AFTPH: variants seen among roughly 807,000 people sequenced by gnomAD.
AFTPH encodes the protein aftiphilin, also known as aftiphilin protein.
AFTPH carries 7 observed loss-of-function variants against 72.5 expected under a neutral mutation model. That is an observed-to-expected ratio of 0.10 (90% CI 0.05 to 0.18). The LOEUF is 0.18. Among genes scored for constraint, AFTPH ranks in the 10% least tolerant of loss-of-function variants. The pLI, the probability that AFTPH is intolerant of heterozygous loss-of-function variation, is 1.00. For synonymous variants in AFTPH, 337 were observed against 370.1 expected (o/e 0.91, Z 1.03); for missense variants, 979 against 1,060.5 (o/e 0.92, Z 1.07).
intron 8 of AFTPH, among the ~76,000 whole-genome samples, chr2:64,589,949 G>T (rs746642441): frequency 2.0e-4 from 5 of 24,938 alleles, no homozygotes; most frequent in South Asian, 9.3e-4. Context: ...ATATATGGGG[G>T]GGGGGGGGGG....
In AFTPH at chr2:64,581,131, C is replaced by G. The variant is rs113076013; in HGVS notation, c.2455+1585C>G. 102 of 1,276,386 alleles carry G rather than the reference C, an allele frequency of 8.0e-5. No individual in the cohort carries two copies. The African/African-American group carries it at 1.2e-3, about 15-fold the overall frequency. 79.1% of individuals were successfully genotyped at this position (1,276,386 alleles called of 1,614,324 possible). Reference sequence around the variant, plus strand: ...TCTTACCCCTTTTTACACATAACCCCTCCTCCCTTGGCTTACCTTCTGTGT... The same window carrying G: ...TCTTACCCCTTTTTACACATAACCCGTCCTCCCTTGGCTTACCTTCTGTGT... On this transcript the variant is annotated intron_variant, in intron 7 of 8. Coordinates refer to ENST00000238856, the Ensembl canonical transcript of AFTPH.
exon 2 of AFTPH, chr2:64,551,516 A>G: frequency 6.2e-7 from 1 of 1,613,906 alleles, no homozygotes; most frequent in Non-Finnish European, 8.5e-7. Context: ...CATCCCCACC[A>G]CCATTAGACA....
intron 6 of AFTPH, chr2:64,578,905 C>T (rs1444922534): frequency 6.6e-6 from 1 of 152,204 alleles, no homozygotes; most frequent in African/African-American, 2.4e-5. Flanking sequence ...CTCGCTTCAG[C>T]AGCACATTAT....
exon 1 of AFTPH, chr2:64,524,386 AGGCGGC>A (rs914103794): frequency 2.5e-6 from 1 of 403,580 alleles, no homozygotes; most frequent in Non-Finnish European, 4.4e-6. Flanking sequence ...GAGGTGGAGG[AGGCGGC>A]GGCGGCGGCG....
At chr2:64,574,704 C>T (rs148688550) in intron 6 of AFTPH, among the ~76,000 whole-genome samples, 323 of 152,240 alleles carry the variant, frequency 2.1e-3, no homozygotes, top group Admixed American at 3.7e-3. Flanking sequence ...GGCCAGAGGA[C>T]CTTGATGTTT....
intron 6 of AFTPH, among the ~76,000 whole-genome samples, chr2:64,573,646 A>G (rs1672585011): frequency 1.3e-5 from 2 of 152,126 alleles, no homozygotes; most frequent in Non-Finnish European, 2.9e-5. Context: ...CAATCTATGG[A>G]TTAGGAAAAT....
At chr2:64,568,462 C>T (rs777981310) in intron 3 of AFTPH, among the ~76,000 whole-genome samples, 5 of 152,116 alleles carry the variant, frequency 3.3e-5, no homozygotes, top group Non-Finnish European at 7.3e-5. Flanking sequence ...ACATACATTG[C>T]CTCGGGACTT....
intron 5 of AFTPH, among the ~76,000 whole-genome samples, chr2:64,571,896 TA>T (rs899059392): frequency 1.3e-5 from 2 of 150,990 alleles, no homozygotes; most frequent in Admixed American, 1.3e-4. Context: ...TCTATAGCCA[TA>T]CTGAACATCT....
At chr2:64,554,130 G>T (rs1228789695) in intron 2 of AFTPH, among the ~76,000 whole-genome samples, 1 of 152,128 alleles carries the variant, frequency 6.6e-6, no homozygotes, top group Non-Finnish European at 1.5e-5. Flanking sequence ...AAATGTACTT[G>T]TTAGCTCTTC....
At chr2:64,553,226 T>C in exon 2 of AFTPH, 1 of 1,614,174 alleles carries the variant, frequency 6.2e-7, no homozygotes, top group Non-Finnish European at 8.5e-7. Context: ...ATAGTTGTTC[T>C]TGGGCTGCTT....
chr2:64,579,904 A>T (rs1424423536), intron 7 of AFTPH: 2 of 183,328 alleles, frequency 1.1e-5, no homozygotes, highest in Admixed American at 5.9e-5. Context: ...TTGGATGCAA[A>T]GTCTTGTGAC....
At chr2:64,531,110 T>C (rs1669610577) in intron 1 of AFTPH, among the ~76,000 whole-genome samples, 1 of 151,934 alleles carries the variant, frequency 6.6e-6, no homozygotes, top group Non-Finnish European at 1.5e-5. Flanking sequence ...ACCATGCTTT[T>C]TAATGACTGT....
intron 7 of AFTPH, among the ~76,000 whole-genome samples, chr2:64,584,919 C>G (rs569968977): frequency 6.6e-6 from 1 of 152,180 alleles, no homozygotes; most frequent in East Asian, 1.9e-4. Flanking sequence ...TTAAACTAAC[C>G]AGATCATTTA....
chr2:64,561,126 A>G (rs552833970), intron 2 of AFTPH, among the ~76,000 whole-genome samples: 7 of 152,320 alleles, frequency 4.6e-5, no homozygotes, highest in African/African-American at 1.7e-4. Flanking sequence ...AGAAAATGAA[A>G]AAGGAGGGTA....
intron 2 of AFTPH, among the ~76,000 whole-genome samples, chr2:64,555,212 TATG>T (rs1375372011): frequency 6.6e-6 from 1 of 152,206 alleles, no homozygotes. Context: ...AATTTTATAG[TATG>T]ATTCTTTTTT....
At chr2:64,574,403 T>G (rs763756894) in intron 6 of AFTPH, among the ~76,000 whole-genome samples, 24 of 152,140 alleles carry the variant, frequency 1.6e-4, no homozygotes, top group African/African-American at 4.6e-4. Context: ...CAACACACAT[T>G]AAGGACATTG....
chr2:64,547,288 T>G (rs1315974014), intron 1 of AFTPH, among the ~76,000 whole-genome samples: 1 of 152,208 alleles, frequency 6.6e-6, no homozygotes, highest in Non-Finnish European at 1.5e-5. Flanking sequence ...AGCTTGATAC[T>G]TTTGAAGATT....
chr2:64,547,448 C>T (rs1303227040), intron 1 of AFTPH, among the ~76,000 whole-genome samples: 1 of 152,086 alleles, frequency 6.6e-6, no homozygotes, highest in East Asian at 1.9e-4. Flanking sequence ...TTCAGTGTTC[C>T]CATTACTGAT....
At chr2:64,591,831 A>G in intron 8 of AFTPH, 57 bp from the exon 10 acceptor site, 2 of 1,593,470 alleles carry the variant, frequency 1.3e-6, no homozygotes, top group Non-Finnish European at 1.7e-6. Context: ...ATTGTCTCCC[A>G]TTTTACCTAC....
Sources: gnomAD v4.1 joint callset for allele counts (sites outside exome capture counted in the v4.1 genomes callset) on GRCh38, gnomAD v4.1.1 for gene constraint, MANE v1.5 for transcripts, NCBI Gene and HGNC (gene_info 2026-07-23, HGNC 2026-07-21) for gene names.